Variants in PCDH15 observed in about 807,000 individuals in gnomAD.
PCDH15 encodes the protein protocadherin-15.
Under a neutral mutation model 178.5 loss-of-function variants are expected in PCDH15, and 129 were observed. That is an observed-to-expected ratio of 0.72 (90% CI 0.63 to 0.84). The LOEUF (loss-of-function observed/expected upper bound fraction) is 0.84. Ranked by LOEUF, PCDH15 falls within the 40% of genes least tolerant of loss-of-function variation. The probability of loss-of-function intolerance (pLI) is 0.00; values close to 1 mark genes in which losing one functional copy is unlikely to be tolerated. For synonymous variants in PCDH15, 800 were observed against 732.0 expected (o/e 1.09, Z -1.50); for missense variants, 2,230 against 2,099.9 (o/e 1.06, Z -1.21).
chr10:55,290,901 C>T (rs977746308), intron 1 of PCDH15, among the ~76,000 whole-genome samples: 4 of 151,936 alleles, frequency 2.6e-5, no homozygotes, highest in South Asian at 2.1e-4. Context: ...GTTTAAAGAA[C>T]GGTAGATTGT....
intron 2 of PCDH15, among the ~76,000 whole-genome samples, chr10:54,595,873 C>T (rs1444685671): frequency 6.6e-6 from 1 of 151,938 alleles, no homozygotes; most frequent in Non-Finnish European, 1.5e-5. Flanking sequence ...TCTCAGAGCT[C>T]AAAGACTGTT....
At chr10:54,915,141 G>A (rs139062901) in intron 2 of PCDH15, among the ~76,000 whole-genome samples, 19 of 152,184 alleles carry the variant, frequency 1.2e-4, no homozygotes, top group East Asian at 3.9e-4. Flanking sequence ...ATAAAAGAAC[G>A]ATCAAGATGT....
chr10:54,138,770 G>C (rs1166824771), intron 14 of PCDH15, among the ~76,000 whole-genome samples: 1 of 152,126 alleles, frequency 6.6e-6, no homozygotes, highest in East Asian at 1.9e-4. Flanking sequence ...TACCTACTGA[G>C]GTCAAGAAAG....
chr10:54,177,094 C>T (rs2047515195), intron 13 of PCDH15, among the ~76,000 whole-genome samples: 1 of 151,718 alleles, frequency 6.6e-6, no homozygotes, highest in African/African-American at 2.4e-5. Flanking sequence ...ATTATACAGC[C>T]CTGAAAAGAT....
At chr10:55,487,663 G>A (rs1185922728) in intron 2 of PCDH15, among the ~76,000 whole-genome samples, 1 of 151,520 alleles carries the variant, frequency 6.6e-6, no homozygotes, top group East Asian at 2.0e-4. Flanking sequence ...TATGAAATTT[G>A]ATGGCACAAT....
chr10:54,729,195 C>A (rs1450873371), intron 1 of PCDH15, among the ~76,000 whole-genome samples: 1 of 151,624 alleles, frequency 6.6e-6, no homozygotes, highest in East Asian at 1.9e-4. Flanking sequence ...ATAACCAGAA[C>A]AGCATGATAC....
At chr10:54,419,706 A>G (rs915758686) in intron 3 of PCDH15, among the ~76,000 whole-genome samples, 4 of 152,102 alleles carry the variant, frequency 2.6e-5, no homozygotes, top group East Asian at 1.9e-4. Context: ...TTTCTCCCCA[A>G]CTATCAATTC....
At chr10:54,018,660 G>A (rs532993312) in intron 20 of PCDH15, among the ~76,000 whole-genome samples, 3 of 152,150 alleles carry the variant, frequency 2.0e-5, no homozygotes, top group East Asian at 1.9e-4. Context: ...ACATTTTAGC[G>A]ACTATATGAA....
chr10:54,373,622 G>A lies in PCDH15; in HGVS notation c.319-4347C>T, dbSNP rs188019316. Among the ~76,000 whole-genome samples the A allele has an allele frequency of 2.5e-3, 379 of 151,992 alleles. 10 individuals are homozygous for A. The South Asian group carries it at 0.048, about 19-fold the overall frequency. On this transcript the variant is annotated intron_variant, in intron 4 of 37. Transcript: ENST00000644397. ...AGGACATTCAGTCTATTTAATGGTA[G>A]GTATTTGTTATATGAAAAGTTTAAT...
intron 3 of PCDH15, among the ~76,000 whole-genome samples, chr10:54,859,343 A>T (rs1191598424): frequency 1.3e-5 from 2 of 152,022 alleles, no homozygotes; most frequent in Admixed American, 1.3e-4. Context: ...CACAATTTTT[A>T]TATCTTCTTT....
intron 1 of PCDH15, among the ~76,000 whole-genome samples, chr10:55,224,940 C>T (rs1840984562): frequency 6.6e-6 from 1 of 152,062 alleles, no homozygotes; most frequent in Non-Finnish European, 1.5e-5. Context: ...AAGTCATTCC[C>T]AGTGATAAGC....
At chr10:55,383,240 G>A (rs900547920) in intron 2 of PCDH15, among the ~76,000 whole-genome samples, 6 of 151,558 alleles carry the variant, frequency 4.0e-5, no homozygotes, top group Admixed American at 1.3e-4. Context: ...AAAGTTAAGC[G>A]GTGTCTATCT....
chr10:55,269,453 A>G (rs567733657), intron 1 of PCDH15, among the ~76,000 whole-genome samples: 15 of 152,274 alleles, frequency 9.9e-5, no homozygotes, highest in African/African-American at 3.6e-4. Context: ...CAAAAGCAAC[A>G]TACAAAAATC....
At chr10:54,274,240 A>G (rs2058216242) in intron 8 of PCDH15, among the ~76,000 whole-genome samples, 1 of 152,010 alleles carries the variant, frequency 6.6e-6, no homozygotes, top group Non-Finnish European at 1.5e-5. Flanking sequence ...CCACCATGAT[A>G]CGAGTTTACG....
chr10:55,207,637 T>A (rs1333828183), intron 1 of PCDH15, among the ~76,000 whole-genome samples: 1 of 152,152 alleles, frequency 6.6e-6, no homozygotes, highest in Non-Finnish European at 1.5e-5. Context: ...TGGGAAGATA[T>A]TTTTTCTTGT....
At chr10:54,603,856 G>T (rs1010790126) in intron 2 of PCDH15, among the ~76,000 whole-genome samples, 2 of 151,994 alleles carry the variant, frequency 1.3e-5, no homozygotes, top group Non-Finnish European at 2.9e-5. Context: ...GAGAGAGGTT[G>T]TTTGATATTG....
intron 5 of PCDH15, among the ~76,000 whole-genome samples, chr10:54,366,496 ATATATAG>A (rs1235860468): frequency 6.6e-6 from 1 of 152,038 alleles, no homozygotes; most frequent in East Asian, 1.9e-4. Flanking sequence ...ACACATACAC[ATATATAG>A]TATGTATGTA....
At chr10:54,315,040 T>C (rs1161237186) in intron 8 of PCDH15, among the ~76,000 whole-genome samples, 1 of 152,184 alleles carries the variant, frequency 6.6e-6, no homozygotes, top group Non-Finnish European at 1.5e-5. Flanking sequence ...TATATTCCTC[T>C]GGGTATATTC....
In PCDH15 at chr10:53,805,883, G is replaced by C. The variant is rs1451616242; in HGVS notation, c.*696C>G. On this transcript the variant is annotated 3_prime_UTR_variant, in exon 38 of 38. Transcript: ENST00000644397. ...CTAAACTAAAGTATCTACCATATTTGATATGAGATGAAGGGACAAGAGAAT... is the reference window on the plus strand; with the variant it reads ...CTAAACTAAAGTATCTACCATATTTCATATGAGATGAAGGGACAAGAGAAT... 6.6e-6 allele frequency: 1 copy of C among 152,014 alleles called. No individual in the cohort carries two copies. Among genetic ancestry groups the C allele is most frequent in the East Asian group, 1.9e-4 (1 of 5,184 alleles). 9.4% of individuals were successfully genotyped at this position (152,014 alleles called of 1,614,324 possible). A position where few individuals can be genotyped will look rare whatever the true frequency, so the allele number is the denominator to read the frequency against.
Sources: gnomAD v4.1 joint callset for allele counts (sites outside exome capture counted in the v4.1 genomes callset) on GRCh38, gnomAD v4.1.1 for gene constraint, MANE v1.5 for transcripts, NCBI Gene and HGNC (gene_info 2026-07-23, HGNC 2026-07-21) for gene names.